NDUFV3: variants seen among roughly 807,000 people sequenced by gnomAD.
NDUFV3 encodes the protein NADH dehydrogenase [ubiquinone] flavoprotein 3, mitochondrial.
In NDUFV3, 44 loss-of-function variants were observed where a neutral mutation model predicts 37.5. That is an observed-to-expected ratio of 1.17 (90% CI 0.92 to 1.51). The LOEUF is 1.51. Among genes scored for constraint, NDUFV3 ranks in the 40% most tolerant of loss-of-function variants. The pLI is 0.00. For synonymous variants in NDUFV3, 235 were observed against 239.3 expected (o/e 0.98, Z 0.17); for missense variants, 580 against 580.4 (o/e 1.00, Z 0.01).
Position 42,903,414 on chromosome 21 carries a change from A to T in NDUFV3, c.402A>T (p.Lys134Asn). 6.2e-7 allele frequency: 1 copy of T among 1,614,210 alleles called. No individual in the cohort carries two copies. ...FPQKVLSPFR[K>N]QGSDSEARQV... is the part of the protein sequence containing the mutation. Reference sequence around the variant, plus strand: ...AGAAAGTTCTGTCTCCATTCAGAAAACAGGGCTCTGATTCAGAAGCTCGTC... The same window carrying T: ...AGAAAGTTCTGTCTCCATTCAGAAATCAGGGCTCTGATTCAGAAGCTCGTC... The change falls in exon 3 of 4, where the codon AAA becomes AAT. Residue 134 changes from lysine to asparagine, a missense_variant. By Grantham distance (94) the Lys-to-Asn change is moderately conservative. Transcript: ENST00000354250.
chr21:42,897,245 T>C lies in NDUFV3; in HGVS notation c.169+198T>C, dbSNP rs563331808. Among the ~76,000 whole-genome samples, 10 of 152,328 alleles carry C rather than the reference T, an allele frequency of 6.6e-5. No individual in the cohort carries two copies. The East Asian group carries it at 1.5e-3, about 24-fold the overall frequency. On this transcript the variant is annotated intron_variant, in intron 2 of 3. Transcript: ENST00000354250. ...TTTCAGTCATGTCGTAGTCTTTGAC[T>C]GAATATTTAGCCCTGAAATGGTTTT...
intron 3 of NDUFV3, among the ~76,000 whole-genome samples, chr21:42,906,099 G>A (rs2146164051): frequency 6.6e-6 from 1 of 152,096 alleles, no homozygotes; most frequent in African/African-American, 2.4e-5. Context: ...CCTGACCGCG[G>A]GTGATCCACC....
Position 42,894,410 on chromosome 21 carries a change from TATATA to T in NDUFV3, c.48+1035_48+1039del, listed in dbSNP as rs1445466554. 1.6e-3 allele frequency among the ~76,000 whole-genome samples: 76 copies of T among 48,902 alleles called. 6 individuals carry two copies. The highest frequency in any genetic ancestry group is 0.014 in the African/African-American group (70 of 5,128). The allele number at this position is 48,902 out of a possible 152,430, so 32.1% of individuals were successfully genotyped here. A position where few individuals can be genotyped will look rare whatever the true frequency, so the allele number is the denominator to read the frequency against. Reference sequence around the variant, plus strand: ...AAATATATATTATATATTTATATAATATATAATATATTATATAAATATATATTATA... The same window carrying T: ...AAATATATATTATATATTTATATAATATATATTATATAAATATATATTATA... On this transcript the variant is annotated intron_variant, in intron 1 of 3. Transcript: ENST00000354250.
rs1282253564 is a variant in NDUFV3 at position 42,913,183 on chromosome 21, C to G, written c.*4162C>G. The G allele has an allele frequency of 6.6e-6, 1 of 152,252 alleles. No individual in the cohort carries two copies. Among genetic ancestry groups the G allele is most frequent in the African/African-American group, 2.4e-5 (1 of 41,450 alleles). 9.4% of individuals were successfully genotyped at this position (152,252 alleles called of 1,614,324 possible). On this transcript the variant is annotated 3_prime_UTR_variant, in exon 4 of 4. Coordinates refer to ENST00000354250, the MANE Select transcript of NDUFV3 (RefSeq NM_021075.4). ...TTTCCCCCTGACCTTGGCCTTTATT[C>G]TAGAACGGATCTGAAGCAATAGGAT...
At chr21:42,895,787 T>TATTATATTAC (rs2058687813) in intron 1 of NDUFV3, among the ~76,000 whole-genome samples, 1 of 152,164 alleles carries the variant, frequency 6.6e-6, no homozygotes, top group South Asian at 2.1e-4. Flanking sequence ...ATAGTGATTG[T>TATTATATTAC]CCTTGAACTC....
chr21:42,895,381 C>T (rs1439920292), intron 1 of NDUFV3, among the ~76,000 whole-genome samples: 1 of 152,180 alleles, frequency 6.6e-6, no homozygotes, highest in Non-Finnish European at 1.5e-5. Flanking sequence ...ACTTGGGTGG[C>T]TGAGACAGGA....
At position 42,910,609 on chromosome 21, in the gene NDUFV3, T is replaced by C. The variant is rs1275331570; in HGVS notation, c.*1588T>C. On this transcript the variant is annotated 3_prime_UTR_variant, in exon 4 of 4. Coordinates refer to ENST00000354250, the MANE Select transcript of NDUFV3 (RefSeq NM_021075.4). ...CGGAGTAGGAAGAGGTGAAGTTTCG[T>C]GCGGTGCAGGGACGGAGTAGGAAGA... 1 of 161,980 alleles carries C rather than the reference T, an allele frequency of 6.2e-6. No individual in the cohort carries two copies. Among genetic ancestry groups the C allele is most frequent in the Non-Finnish European group, 1.4e-5 (1 of 73,042 alleles). 10.0% of individuals were successfully genotyped at this position (161,980 alleles called of 1,614,324 possible).
intron 3 of NDUFV3, among the ~76,000 whole-genome samples, chr21:42,904,796 CTT>C (rs58460040): frequency 1.2e-4 from 17 of 141,788 alleles, no homozygotes; most frequent in East Asian, 4.1e-4. Flanking sequence ...TAACCTTCAT[CTT>C]TTTTTTTTTT....
rs746451381 is a variant in NDUFV3 at position 42,909,041 on chromosome 21, G to C, written c.*20G>C. The C allele has an allele frequency of 1.2e-6, 2 of 1,609,632 alleles. No homozygotes were observed. The highest frequency in any genetic ancestry group is 2.7e-5 in the African/African-American group (2 of 74,768). ...CACTGAGGGCCCTCGGTGTGAAGAT[G>C]AACCTTCCACCGTCTTCACTGCATC... On this transcript the variant is annotated 3_prime_UTR_variant, in exon 4 of 4. Coordinates refer to ENST00000354250, the MANE Select transcript of NDUFV3 (RefSeq NM_021075.4).
At chr21:42,896,537 C>T (rs1377004896) in intron 1 of NDUFV3, among the ~76,000 whole-genome samples, 1 of 151,962 alleles carries the variant, frequency 6.6e-6, no homozygotes, top group Admixed American at 6.6e-5. Context: ...CTCAGCCTCC[C>T]AAAGTGCTGG....
rs1464645873 is a variant in NDUFV3, at chr21:42,894,463, TA to T, written c.48+1085del. ...ATATAATATATATAATATGTTTATA[TA>T]AATATATATTATATATTTATATATT... On this transcript the variant is annotated intron_variant, in intron 1 of 3. Coordinates refer to ENST00000354250, the MANE Select transcript of NDUFV3 (RefSeq NM_021075.4). Among the ~76,000 whole-genome samples, 126 of 38,874 alleles carry T rather than the reference TA, an allele frequency of 3.2e-3. 2 individuals are homozygous for T. In the African/African-American group the frequency reaches 0.041, roughly 13 times the overall value. 25.5% of individuals were successfully genotyped at this position (38,874 alleles called of 152,430 possible). A position where few individuals can be genotyped will look rare whatever the true frequency, so the allele number is the denominator to read the frequency against.
chr21:42,910,695 GGACGGA>G lies in NDUFV3; in HGVS notation c.*1676_*1681del. 1.7e-5 allele frequency: 1 copy of G among 59,640 alleles called. No individual in the cohort carries two copies. Among genetic ancestry groups the G allele is most frequent in the Non-Finnish European group, 3.7e-5 (1 of 27,078 alleles). The allele number at this position is 59,640 out of a possible 1,614,324, so 3.7% of individuals were successfully genotyped here. On this transcript the variant is annotated 3_prime_UTR_variant, in exon 4 of 4. Transcript: ENST00000354250. ...AGAGGTGAAGTTTCGTGCGGTGCAG[GGACGGA>G]GTAGGAAGAGGTGAAGTTTTGTGCG...
chr21:42,902,586 A>C (rs905117569), intron 2 of NDUFV3, among the ~76,000 whole-genome samples: 4 of 152,208 alleles, frequency 2.6e-5, no homozygotes, highest in Non-Finnish European at 5.9e-5. Context: ...TCCTGCTTTC[A>C]CTAATTACTA....
intron 3 of NDUFV3, chr21:42,906,777 C>A (rs979429173): frequency 4.2e-6 from 2 of 479,750 alleles, no homozygotes; most frequent in African/African-American, 2.0e-5. Flanking sequence ...AGTTTTGTAA[C>A]CCACGTCTTG....
intron 1 of NDUFV3, among the ~76,000 whole-genome samples, chr21:42,895,712 A>G (rs371813731): frequency 6.6e-6 from 1 of 151,866 alleles, no homozygotes; most frequent in Admixed American, 6.6e-5. Context: ...TTAATAAATA[A>G]TTGGAGACTA....
At chr21:42,894,535 CATAAT>C (rs1221880772) in intron 1 of NDUFV3, among the ~76,000 whole-genome samples, 4 of 79,468 alleles carry the variant, frequency 5.0e-5, no homozygotes, top group Non-Finnish European at 6.7e-5. Flanking sequence ...TAATATATAT[CATAAT>C]ATAATATATA....
chr21:42,911,567 T>C lies in NDUFV3; in HGVS notation c.*2546T>C, dbSNP rs4920009. On this transcript the variant is annotated 3_prime_UTR_variant, in exon 4 of 4. Coordinates refer to ENST00000354250, the MANE Select transcript of NDUFV3 (RefSeq NM_021075.4). The stretch of plus-strand genomic sequence containing the variant: ...AGCAATCCTCCCATCTCAGCCCACT[T>C]TGTAGCTGGGACTGTAGGCACTGGC... 0.6 allele frequency: 91,144 copies of C among 150,756 alleles called. 28,261 individuals are homozygous for C. The highest frequency in any genetic ancestry group is 0.71 in the African/African-American group (29,331 of 41,054). The allele number at this position is 150,756 out of a possible 1,614,324, so 9.3% of individuals were successfully genotyped here. A position where few individuals can be genotyped will look rare whatever the true frequency, so the allele number is the denominator to read the frequency against.
In NDUFV3 at chr21:42,909,113, T is replaced by C. The variant is rs2058756569; in HGVS notation, c.*92T>C. 4 of 1,181,012 alleles carry C rather than the reference T, an allele frequency of 3.4e-6. No individual in the cohort carries two copies. The African/African-American group carries it at 6.1e-5, about 18-fold the overall frequency. The allele number at this position is 1,181,012 out of a possible 1,614,324, so 73.2% of individuals were successfully genotyped here. A position where few individuals can be genotyped will look rare whatever the true frequency, so the allele number is the denominator to read the frequency against. On this transcript the variant is annotated 3_prime_UTR_variant, in exon 4 of 4. Transcript: ENST00000354250. ...CACTCAAGAGTCACAAGGCCCGCTG[T>C]GCATAATCGGTTTCACTTTTACCTT... is the stretch of plus-strand genomic sequence containing the variant.
intron 3 of NDUFV3, chr21:42,906,843 TC>T (rs2058744165): frequency 5.8e-6 from 3 of 518,316 alleles, no homozygotes; most frequent in South Asian, 2.8e-5. Flanking sequence ...TTTGAAGGTG[TC>T]CCTACACCAC....
Sources: allele counts gnomAD v4.1 joint callset (sites outside exome capture counted in the v4.1 genomes callset), GRCh38; gene constraint gnomAD v4.1.1; transcripts MANE v1.5; gene names NCBI Gene and HGNC (gene_info 2026-07-23, HGNC 2026-07-21).